Variants in NRXN1 observed in about 807,000 individuals in gnomAD.
The protein encoded by NRXN1 is neurexin-1.
NRXN1 carries 39 observed loss-of-function variants against 150.9 expected under a neutral mutation model. That is an observed-to-expected ratio of 0.26 (90% confidence interval 0.20 to 0.34). The LOEUF (loss-of-function observed/expected upper bound fraction) is 0.34, where lower values mean the gene tolerates loss of function less well. Among genes scored for constraint, NRXN1 ranks in the 10% least tolerant of loss-of-function variants. The pLI is 1.00. For synonymous variants in NRXN1, 924 were observed against 757.0 expected (o/e 1.22, Z -3.62); for missense variants, 1,815 against 1,949.9 (o/e 0.93, Z 1.30).
chr2:51,028,624 A>C lies in NRXN1; in HGVS notation c.-351T>G. ...TGACCCATTTGAGTCTGATTAACTA[A>C]TTTAAGAGTATCTGCAGTGTCAACA... On this transcript the variant is annotated 5_prime_UTR_variant, in exon 2 of 23. Transcript: ENST00000401669. 4.4e-6 allele frequency: 1 copy of C among 229,254 alleles called. No homozygotes were observed. The highest frequency in any genetic ancestry group is 8.4e-6 in the Non-Finnish European group (1 of 118,948). The allele number at this position is 229,254 out of a possible 1,614,324, so 14.2% of individuals were successfully genotyped here.
At chr2:50,948,698 T>C (rs933163125) in intron 2 of NRXN1, among the ~76,000 whole-genome samples, 2 of 151,996 alleles carry the variant, frequency 1.3e-5, no homozygotes, top group Non-Finnish European at 2.9e-5. Context: ...AACCTCAGAG[T>C]AGCCATATCA....
At chr2:50,038,410 A>G (rs955518520) in intron 21 of NRXN1, among the ~76,000 whole-genome samples, 4 of 152,186 alleles carry the variant, frequency 2.6e-5, no homozygotes, top group Non-Finnish European at 5.9e-5. Context: ...GTAAATTGCC[A>G]GCTGTTGTGA....
chr2:50,843,509 A>T (rs1266588049), intron 5 of NRXN1, among the ~76,000 whole-genome samples: 1 of 152,114 alleles, frequency 6.6e-6, no homozygotes, highest in African/African-American at 2.4e-5. Flanking sequence ...TCCCCTAGTA[A>T]CCTAAAATAC....
At chr2:50,362,616 A>T (rs902214197) in intron 17 of NRXN1, among the ~76,000 whole-genome samples, 10 of 152,240 alleles carry the variant, frequency 6.6e-5, no homozygotes, top group African/African-American at 1.7e-4. Flanking sequence ...ATGGAAAAAC[A>T]TTCCATGCTC....
intron 17 of NRXN1, among the ~76,000 whole-genome samples, chr2:50,246,972 T>C (rs560126163): frequency 4.5e-4 from 69 of 152,212 alleles, no homozygotes; most frequent in African/African-American, 1.6e-3. Context: ...TAATGACTAA[T>C]ACACTCCTCA....
intron 17 of NRXN1, among the ~76,000 whole-genome samples, chr2:50,362,394 C>CA (rs902140151): frequency 1.4e-4 from 22 of 152,280 alleles, no homozygotes; most frequent in African/African-American, 4.3e-4. Flanking sequence ...GCAAATTCAA[C>CA]AAAATCTCAG....
chr2:50,459,590 G>T (rs1331645201), intron 17 of NRXN1, among the ~76,000 whole-genome samples: 1 of 152,068 alleles, frequency 6.6e-6, no homozygotes, highest in African/African-American at 2.4e-5. Flanking sequence ...GCATTCATTT[G>T]CTAAGGAAAA....
chr2:50,380,659 G>T (rs116569772), intron 17 of NRXN1, among the ~76,000 whole-genome samples: 3 of 152,008 alleles, frequency 2.0e-5, no homozygotes, highest in South Asian at 4.1e-4. Context: ...AAGACAGCAC[G>T]TGCCCAATAC....
chr2:50,905,940 T>A lies in NRXN1; in HGVS notation c.832+15929A>T, dbSNP rs188766799. Among the ~76,000 whole-genome samples the A allele has an allele frequency of 3.9e-5, 6 of 152,234 alleles. No homozygotes were observed. The East Asian group carries it at 1.2e-3, about 30-fold the overall frequency. On this transcript the variant is annotated intron_variant, in intron 5 of 22. Transcript: ENST00000401669. ...ATATTGCTTCATGATTTAGACAGTC[T>A]ATTAAATGTTTAAGCAAGGCACTAG...
chr2:50,044,209 C>T (rs992066939), intron 21 of NRXN1, among the ~76,000 whole-genome samples: 6 of 152,126 alleles, frequency 3.9e-5, no homozygotes. Context: ...ACAATTATAA[C>T]AGTCTTGGAG....
intron 21 of NRXN1, among the ~76,000 whole-genome samples, chr2:49,995,768 G>C (rs1479765969): frequency 9.3e-6 from 1 of 107,294 alleles, no homozygotes; most frequent in Admixed American, 1.3e-4. Flanking sequence ...GCGACAGAGC[G>C]AGACTCCGTC....
In NRXN1 at chr2:50,597,760, A is replaced by T. The variant is rs201234405; in HGVS notation, c.1320+22262T>A. 7.9e-5 allele frequency among the ~76,000 whole-genome samples: 12 copies of T among 152,184 alleles called. No individual in the cohort carries two copies. In the East Asian group the frequency reaches 2.3e-3, roughly 29 times the overall value. On this transcript the variant is annotated intron_variant, in intron 8 of 22. Coordinates refer to ENST00000401669, the MANE Select transcript of NRXN1 (RefSeq NM_001330078.2). ...TCAGAATGCTGCTCAGTGTTCAATAAATGTTTGTTAAGCAAATAAATGAGT... is the reference window on the plus strand; with the variant it reads ...TCAGAATGCTGCTCAGTGTTCAATATATGTTTGTTAAGCAAATAAATGAGT...
At chr2:50,657,575 G>A (rs1230282237) in intron 5 of NRXN1, among the ~76,000 whole-genome samples, 1 of 152,006 alleles carries the variant, frequency 6.6e-6, no homozygotes, top group African/African-American at 2.4e-5. Context: ...GTTATTCCCT[G>A]TGACAGAATG....
intron 16 of NRXN1, chr2:50,466,468 G>A (rs1012985139): frequency 1.7e-5 from 8 of 473,634 alleles, no homozygotes; most frequent in Non-Finnish European, 2.6e-5. Context: ...TACCTTGCAA[G>A]TCAGCTTTCA....
At chr2:50,555,324 C>A (rs1309046452) in intron 8 of NRXN1, among the ~76,000 whole-genome samples, 1 of 152,088 alleles carries the variant, frequency 6.6e-6, no homozygotes, top group Non-Finnish European at 1.5e-5. Context: ...TCTCTTGAAT[C>A]TGACATCAGC....
intron 17 of NRXN1, among the ~76,000 whole-genome samples, chr2:50,282,274 G>A (rs957895369): frequency 6.6e-6 from 1 of 152,092 alleles, no homozygotes; most frequent in African/African-American, 2.4e-5. Context: ...TTAAGCCAAG[G>A]AGAGATGTAG....
chr2:50,070,393 C>A (rs547276042), intron 19 of NRXN1, among the ~76,000 whole-genome samples: 18 of 152,220 alleles, frequency 1.2e-4, no homozygotes, highest in African/African-American at 4.3e-4. Context: ...ATCATGGGAT[C>A]AGTACTTTTG....
chr2:49,943,749 C>A lies in NRXN1; in HGVS notation c.4171G>T (p.Asp1391Tyr). ...ILVASAECPS[D>Y]DEDIDPCEPS... ...TCACAGGGGTCAATGTCCTCATCAT[C>A]GCTGGGACACTCTGCTGAGGCCACA... The change falls in exon 22 of 23, where the codon GAT (aspartate) becomes TAT (tyrosine). Residue 1391 changes from aspartate (D) to tyrosine (Y), a missense_variant. Asp to Tyr is a radical substitution (Grantham distance 160, BLOSUM62 -3). Coordinates refer to ENST00000401669, the MANE Select transcript of NRXN1 (RefSeq NM_001330078.2). The A allele has an allele frequency of 6.2e-7, 1 of 1,612,418 alleles. No homozygotes were observed. Among genetic ancestry groups the A allele is most frequent in the Non-Finnish European group, 8.5e-7 (1 of 1,179,284 alleles).
At chr2:50,984,652 C>T (rs1226541266) in intron 2 of NRXN1, among the ~76,000 whole-genome samples, 1 of 152,044 alleles carries the variant, frequency 6.6e-6, no homozygotes, top group African/African-American at 2.4e-5. Context: ...TTCATCAAAT[C>T]TGAATCAAAC....
Sources: gnomAD v4.1 joint callset for allele counts (sites outside exome capture counted in the v4.1 genomes callset) on GRCh38, gnomAD v4.1.1 for gene constraint, MANE v1.5 for transcripts, NCBI Gene and HGNC (gene_info 2026-07-23, HGNC 2026-07-21) for gene names.